Variants in RFX4 observed in about 807,000 individuals in gnomAD.
The protein encoded by RFX4 is transcription factor RFX4.
In RFX4, 10 loss-of-function variants were observed where a neutral mutation model predicts 95.0. The ratio of observed to expected loss-of-function variants is 0.11; its 90% CI spans 0.06 to 0.18. The LOEUF is 0.18. Ranked by LOEUF, RFX4 falls within the 10% of genes least tolerant of loss-of-function variation. The pLI, the probability that RFX4 is intolerant of heterozygous loss-of-function variation, is 1.00. For missense variants in RFX4, 640 were observed against 922.0 expected (o/e 0.69, Z 3.96); for synonymous variants, 321 against 340.7 (o/e 0.94, Z 0.64).
In RFX4 at chr12:106,761,343, G is replaced by A; in HGVS notation, c.2082G>A (p.Arg694=). 1.2e-6 allele frequency: 2 copies of A among 1,614,084 alleles called. No individual in the cohort carries two copies. Among genetic ancestry groups the A allele is most frequent in the South Asian group, 1.1e-5 (1 of 91,082 alleles). Residue 694 remains arginine (R), a synonymous_variant, in exon 18 of 18, where the codon AGG becomes AGA. Transcript: ENST00000392842. Reference sequence around the variant, plus strand: ...CAAGCCCGTCTGTGCATTCTGCGAGGTACGGAAACTCTAGTGACATGTATA... The same window carrying A: ...CAAGCCCGTCTGTGCATTCTGCGAGATACGGAAACTCTAGTGACATGTATA... ...CYTSPSVHSA[R]YGNSSDMYTP...
intron 3 of RFX4, among the ~76,000 whole-genome samples, chr12:106,643,000 T>C (rs1460843335): frequency 6.6e-6 from 1 of 152,210 alleles, no homozygotes; most frequent in African/African-American, 2.4e-5. Flanking sequence ...GAAGAGGTTA[T>C]CACAGAGGCT....
intron 8 of RFX4, among the ~76,000 whole-genome samples, chr12:106,707,827 T>C: frequency 6.6e-6 from 1 of 152,138 alleles, no homozygotes; most frequent in East Asian, 1.9e-4. Context: ...GAGACATTCT[T>C]AAATGCATTA....
intron 4 of RFX4, among the ~76,000 whole-genome samples, chr12:106,677,970 T>C (rs184012530): frequency 6.6e-6 from 1 of 152,232 alleles, no homozygotes; most frequent in Non-Finnish European, 1.5e-5. Context: ...TCAGTGGAGA[T>C]TGATGCTGGT....
At chr12:106,703,531 G>C (rs1565986653) in intron 8 of RFX4, among the ~76,000 whole-genome samples, 1 of 152,200 alleles carries the variant, frequency 6.6e-6, no homozygotes, top group Non-Finnish European at 1.5e-5. Context: ...CAAGTGAACG[G>C]AGGCTAAATC....
intron 17 of RFX4, among the ~76,000 whole-genome samples, chr12:106,751,060 A>AT (rs1182361368): frequency 1.3e-5 from 2 of 149,694 alleles, no homozygotes; most frequent in Admixed American, 6.7e-5. Flanking sequence ...AGCATTAGGT[A>AT]TATCTCCCAA....
intron 15 of RFX4, among the ~76,000 whole-genome samples, chr12:106,733,711 C>T (rs544366649): frequency 1.3e-5 from 2 of 152,196 alleles, no homozygotes; most frequent in Admixed American, 6.5e-5. Flanking sequence ...CTAGAGCTGC[C>T]GGGCACATAG....
At chr12:106,659,582 AT>A (rs2041031074) in intron 4 of RFX4, among the ~76,000 whole-genome samples, 2 of 152,216 alleles carry the variant, frequency 1.3e-5, no homozygotes, top group Non-Finnish European at 2.9e-5. Flanking sequence ...AAGAGCAAAC[AT>A]TTATGTAGGG....
chr12:106,657,878 T>C (rs1446877927), intron 4 of RFX4, among the ~76,000 whole-genome samples: 2 of 152,172 alleles, frequency 1.3e-5, no homozygotes. Flanking sequence ...TATTTATACA[T>C]TTATATAGTA....
chr12:106,752,373 C>T (rs1187915919), intron 17 of RFX4, among the ~76,000 whole-genome samples: 2 of 152,186 alleles, frequency 1.3e-5, no homozygotes, highest in Non-Finnish European at 2.9e-5. Context: ...TTTCTGGCCT[C>T]CAATGGCTGG....
rs1222866136 is a variant in RFX4, at chr12:106,762,595, C to G, written c.*1126C>G. On this transcript the variant is annotated 3_prime_UTR_variant, in exon 18 of 18. Coordinates refer to ENST00000392842, the MANE Select transcript of RFX4 (RefSeq NM_213594.3). Reference sequence around the variant, plus strand: ...TTTCTTTCTGTATTATAAAATGCACCAAGCAATTATGGTGGACCTATTACC... The same window carrying G: ...TTTCTTTCTGTATTATAAAATGCACGAAGCAATTATGGTGGACCTATTACC... 1 of 152,246 alleles carries G rather than the reference C, an allele frequency of 6.6e-6. No homozygotes were observed. The allele number at this position is 152,246 out of a possible 1,614,324, so 9.4% of individuals were successfully genotyped here.
intron 3 of RFX4, among the ~76,000 whole-genome samples, chr12:106,640,942 G>A (rs543518257): frequency 2.0e-5 from 3 of 151,952 alleles, no homozygotes; most frequent in East Asian, 1.9e-4. Flanking sequence ...CAACATGCCC[G>A]GCTAATTTTT....
intron 2 of RFX4, among the ~76,000 whole-genome samples, chr12:106,620,382 G>A (rs865831898): frequency 1.4e-4 from 21 of 152,202 alleles, no homozygotes; most frequent in Middle Eastern, 3.4e-3. Flanking sequence ...ATCACATATC[G>A]GTAGGACCGT....
At chr12:106,651,404 A>G (rs2040854502) in intron 3 of RFX4, among the ~76,000 whole-genome samples, 1 of 152,220 alleles carries the variant, frequency 6.6e-6, no homozygotes, top group African/African-American at 2.4e-5. Flanking sequence ...AAATGAGACC[A>G]TGGATACCCA....
intron 8 of RFX4, among the ~76,000 whole-genome samples, chr12:106,701,994 C>T (rs2042000545): frequency 3.3e-5 from 5 of 151,954 alleles, no homozygotes; most frequent in African/African-American, 1.2e-4. Flanking sequence ...AGAGCAAGAC[C>T]CTGTCTCTAA....
intron 15 of RFX4, among the ~76,000 whole-genome samples, chr12:106,736,926 A>G (rs1433513614): frequency 6.6e-6 from 1 of 151,916 alleles, no homozygotes; most frequent in Non-Finnish European, 1.5e-5. Context: ...GGGGCAAAGA[A>G]CCCACTGCCT....
intron 17 of RFX4, among the ~76,000 whole-genome samples, chr12:106,758,927 C>T (rs1173888603): frequency 6.6e-6 from 1 of 152,220 alleles, no homozygotes; most frequent in Admixed American, 6.5e-5. Context: ...CACAGGATCC[C>T]TAAAATTCTT....
At chr12:106,740,681 T>C (rs972518846) in intron 15 of RFX4, among the ~76,000 whole-genome samples, 2 of 152,194 alleles carry the variant, frequency 1.3e-5, no homozygotes, top group African/African-American at 2.4e-5. Context: ...ACTTACATTC[T>C]AGTGGTAAGA....
intron 4 of RFX4, among the ~76,000 whole-genome samples, chr12:106,660,022 C>T (rs1379582947): frequency 6.6e-6 from 1 of 152,058 alleles, no homozygotes; most frequent in Non-Finnish European, 1.5e-5. Flanking sequence ...GAAATGCTTT[C>T]CCAAATCTTC....
At chr12:106,695,055 T>C (rs898671405) in intron 7 of RFX4, among the ~76,000 whole-genome samples, 2 of 152,040 alleles carry the variant, frequency 1.3e-5, no homozygotes, top group African/African-American at 4.8e-5. Flanking sequence ...AGAAAGCTAA[T>C]GGCAATAATA....
Sources: allele counts gnomAD v4.1 joint callset (sites outside exome capture counted in the v4.1 genomes callset), GRCh38; gene constraint gnomAD v4.1.1; transcripts MANE v1.5; gene names NCBI Gene and HGNC (gene_info 2026-07-23, HGNC 2026-07-21).